Variants in ZNF729 observed in about 807,000 individuals in gnomAD.
The protein encoded by ZNF729 is zinc finger protein 729.
ZNF729 carries 15 observed loss-of-function variants against 12.2 expected under a neutral mutation model. The ratio of observed to expected loss-of-function variants is 1.23; its 90% CI spans 0.82 to 1.89. ZNF729 has a LOEUF of 1.89. Ranked by LOEUF, ZNF729 falls within the 40% of genes most tolerant of loss-of-function variation. The pLI, the probability that ZNF729 is intolerant of heterozygous loss-of-function variation, is 0.00. For synonymous variants in ZNF729, 492 were observed against 476.3 expected (o/e 1.03, Z -0.43); for missense variants, 1,540 against 1,456.7 (o/e 1.06, Z -0.93).
rs528425058 is a variant in ZNF729 at position 22,305,413 on chromosome 19, A to G, written c.253+630A>G. Among the ~76,000 whole-genome samples the G allele has an allele frequency of 3.9e-5, 6 of 152,090 alleles. No homozygotes were observed. The South Asian group carries it at 1.0e-3, about 26-fold the overall frequency. On this transcript the variant is annotated intron_variant, in intron 3 of 3. Transcript: ENST00000601693. ...CATGAATTTTCTATTTTTTATTATT[A>G]TTGAAAATGGGGTCTCAGTGTCTGC...
At chr19:22,307,599 C>T (rs190008365) in intron 3 of ZNF729, among the ~76,000 whole-genome samples, 128 of 150,964 alleles carry the variant, frequency 8.5e-4, no homozygotes, top group Non-Finnish European at 1.5e-3. Context: ...CAAAAGTAGC[C>T]GGGCATGGTG....
chr19:22,291,258 T>C (rs773264996), intron 1 of ZNF729, among the ~76,000 whole-genome samples: 12 of 152,284 alleles, frequency 7.9e-5, no homozygotes, highest in Admixed American at 5.2e-4. Context: ...ACACAGGCCA[T>C]CACACTGCCC....
At chr19:22,292,301 CT>C (rs1174266027) in intron 1 of ZNF729, among the ~76,000 whole-genome samples, 5 of 152,134 alleles carry the variant, frequency 3.3e-5, no homozygotes, top group African/African-American at 1.2e-4. Context: ...TTGGTTTTCT[CT>C]TTCTGCATTA....
intron 1 of ZNF729, among the ~76,000 whole-genome samples, chr19:22,295,099 G>A (rs908711896): frequency 2.0e-5 from 3 of 150,390 alleles, no homozygotes; most frequent in Non-Finnish European, 4.4e-5. Context: ...TTGTGTTTTT[G>A]ATTTGGCTTT....
Position 22,315,620 on chromosome 19 carries a change from AC to A in ZNF729, c.2204del (p.Thr735MetfsTer26). On this transcript the variant is annotated frameshift_variant, in exon 4 of 4. Transcript: ENST00000601693. LOFTEE classifies it low-confidence loss of function (END_TRUNC). ...ACTTACTGTACATAAGGTAATTCAT[AC>A]TGCAGAGAAACCCTGCAAATGTGAA... The part of the protein sequence containing the change: ...SKLTVHKVIH[T>X]AEKPCKCEEC... 6.2e-7 allele frequency: 1 copy of A among 1,609,120 alleles called. No homozygotes were observed. Among genetic ancestry groups the A allele is most frequent in the Non-Finnish European group, 8.5e-7 (1 of 1,179,154 alleles).
chr19:22,310,786 A>C (rs1238481117), intron 3 of ZNF729, among the ~76,000 whole-genome samples: 1 of 152,130 alleles, frequency 6.6e-6, no homozygotes, highest in Non-Finnish European at 1.5e-5. Context: ...AATTCTTTGA[A>C]TGTCTGGTAG....
chr19:22,298,617 G>T (rs1968263520), intron 1 of ZNF729, among the ~76,000 whole-genome samples: 1 of 152,152 alleles, frequency 6.6e-6, no homozygotes, highest in African/African-American at 2.4e-5. Context: ...GGGCTCAGGT[G>T]ATTCTCCTGC....
rs1162926015 is a variant in ZNF729 at position 22,315,601 on chromosome 19, T to C, written c.2184T>C (p.Thr728=). Residue 728 remains threonine (T), a synonymous_variant, in exon 4 of 4, where the codon ACT becomes ACC. Coordinates refer to ENST00000601693, the MANE Select transcript of ZNF729 (RefSeq NM_001242680.2). ...CTTTTAAGTGGTCATCAAAACTTAC[T>C]GTACATAAGGTAATTCATACTGCAG... is the stretch of plus-strand genomic sequence containing the variant. ...GKAFKWSSKL[T]VHKVIHTAEK... 2 of 1,608,280 alleles carry C rather than the reference T, an allele frequency of 1.2e-6. No individual in the cohort carries two copies. Among genetic ancestry groups the C allele is most frequent in the East Asian group, 2.2e-5 (1 of 44,758 alleles).
chr19:22,315,217 C>G lies in ZNF729; in HGVS notation c.1800C>G (p.Tyr600Ter). The change falls in exon 4 of 4, where the codon TAC becomes TAG. Residue 600 changes from tyrosine (Y) to a stop codon, truncating the protein, a stop_gained. Transcript: ENST00000601693. LOFTEE classifies it low-confidence loss of function (END_TRUNC). The part of the protein sequence containing the change: ...HKVIHTREKL[Y>*]KCEECGKAFN... Reference sequence around the variant, plus strand: ...TAATTCATACTAGGGAGAAATTGTACAAATGTGAAGAATGTGGCAAAGCTT... The same window carrying G: ...TAATTCATACTAGGGAGAAATTGTAGAAATGTGAAGAATGTGGCAAAGCTT... 6.2e-7 allele frequency: 1 copy of G among 1,612,000 alleles called. No individual in the cohort carries two copies. Among genetic ancestry groups the G allele is most frequent in the African/African-American group, 1.3e-5 (1 of 74,974 alleles).
At position 22,303,808 on chromosome 19, in the gene ZNF729, G is replaced by A. The variant is rs776922482; in HGVS notation, c.81G>A (p.Trp27Ter). ...DVTIEFSLEE[W>*]QCLDTVQQNL... Reference sequence around the variant, plus strand: ...CCATAGAATTCTCTCTGGAGGAGTGGCAATGCCTGGACACGGTTCAGCAGA... The same window carrying A: ...CCATAGAATTCTCTCTGGAGGAGTGACAATGCCTGGACACGGTTCAGCAGA... The change falls in exon 2 of 4, where the codon TGG (tryptophan) becomes TGA (stop). Residue 27 changes from tryptophan to a stop codon, truncating the protein, a stop_gained. Coordinates refer to ENST00000601693, the MANE Select transcript of ZNF729 (RefSeq NM_001242680.2). LOFTEE classifies it high-confidence loss of function. The A allele has an allele frequency of 1.9e-6, 3 of 1,575,732 alleles. No individual in the cohort carries two copies. Among genetic ancestry groups the A allele is most frequent in the Non-Finnish European group, 1.7e-6 (2 of 1,156,086 alleles).
intron 1 of ZNF729, among the ~76,000 whole-genome samples, chr19:22,288,477 C>A (rs1395492182): frequency 2.0e-5 from 3 of 152,036 alleles, no homozygotes; most frequent in Non-Finnish European, 4.4e-5. Context: ...TAAAATACCC[C>A]CCATGGCTAT....
At position 22,314,969 on chromosome 19, in the gene ZNF729, T is replaced by C. The variant is rs779458956; in HGVS notation, c.1552T>C (p.Cys518Arg). 15 of 1,611,796 alleles carry C rather than the reference T, an allele frequency of 9.3e-6. No individual in the cohort carries two copies. The highest frequency in any genetic ancestry group is 1.2e-5 in the Non-Finnish European group (14 of 1,179,666). Residue 518 changes from cysteine to arginine, a missense_variant, in exon 4 of 4, where the codon TGT becomes CGT. Coordinates refer to ENST00000601693, the MANE Select transcript of ZNF729 (RefSeq NM_001242680.2). ...TCATACTGGAAAGAAACCCTACAAA[T>C]GTGAAGAATGTGGGAAAGCTTTTAG... ...IIHTGKKPYK[C>R]EECGKAFSQS...
At position 22,286,492 on chromosome 19, in the gene ZNF729, T is replaced by G. The variant is rs781264772; in HGVS notation, c.-34T>G. The G allele has an allele frequency of 6.2e-7, 1 of 1,612,640 alleles. No individual in the cohort carries two copies. The highest frequency in any genetic ancestry group is 8.5e-7 in the Non-Finnish European group (1 of 1,179,842). On this transcript the variant is annotated 5_prime_UTR_variant, in exon 1 of 4. Coordinates refer to ENST00000601693, the MANE Select transcript of ZNF729 (RefSeq NM_001242680.2). Reference sequence around the variant, plus strand: ...TGTGTGTCCTCAGCCTCTGTGGCCCTGTAACCTGCGGCATTGGAAGATCCA... The same window carrying G: ...TGTGTGTCCTCAGCCTCTGTGGCCCGGTAACCTGCGGCATTGGAAGATCCA...
intron 1 of ZNF729, among the ~76,000 whole-genome samples, chr19:22,290,221 C>T (rs546794367): frequency 1.2e-4 from 18 of 152,194 alleles, no homozygotes; most frequent in African/African-American, 3.9e-4. Context: ...CCATGGAAGA[C>T]GCCTTTATCC....
intron 1 of ZNF729, among the ~76,000 whole-genome samples, chr19:22,288,289 C>T (rs1568569433): frequency 6.8e-6 from 1 of 147,980 alleles, no homozygotes; most frequent in Non-Finnish European, 1.5e-5. Context: ...CCTGACACTG[C>T]GTTGTAAAAA....
At chr19:22,307,814 T>G (rs1047003101) in intron 3 of ZNF729, among the ~76,000 whole-genome samples, 21 of 147,538 alleles carry the variant, frequency 1.4e-4, no homozygotes, top group East Asian at 3.9e-4. Context: ...TTTTTTTTTT[T>G]TTTTTTTTTT....
At chr19:22,303,680 T>G (rs1968344006) in intron 1 of ZNF729, 78 bp from the exon 2 acceptor site, 1 of 1,374,600 alleles carries the variant, frequency 7.3e-7, no homozygotes, top group African/African-American at 1.5e-5. Flanking sequence ...ATTCTCTCAT[T>G]TCACCTTGAG....
Position 22,314,164 on chromosome 19 carries a change from A to G in ZNF729, c.747A>G (p.Ser249=). The change falls in exon 4 of 4, where the codon TCA becomes TCG. Residue 249 remains serine, a synonymous_variant. Coordinates refer to ENST00000601693, the MANE Select transcript of ZNF729 (RefSeq NM_001242680.2). ...GTGGCAATGCCTTTAAATTTTCTTCAACGTTCACTAAACATAAGAGAATTC... is the reference window on the plus strand; with the variant it reads ...GTGGCAATGCCTTTAAATTTTCTTCGACGTTCACTAAACATAAGAGAATTC... ...KKCGNAFKFS[S]TFTKHKRIHT... 1 of 1,570,944 alleles carries G rather than the reference A, an allele frequency of 6.4e-7. No individual in the cohort carries two copies. The highest frequency in any genetic ancestry group is 8.6e-7 in the Non-Finnish European group (1 of 1,159,230).
intron 3 of ZNF729, among the ~76,000 whole-genome samples, chr19:22,311,066 T>C (rs1675791404): frequency 6.6e-6 from 1 of 152,188 alleles, no homozygotes; most frequent in Non-Finnish European, 1.5e-5. Context: ...ATTGAGGTTA[T>C]TTGGATTTTC....
Sources: gnomAD v4.1 joint callset for allele counts (sites outside exome capture counted in the v4.1 genomes callset) on GRCh38, gnomAD v4.1.1 for gene constraint, MANE v1.5 for transcripts, NCBI Gene and HGNC (gene_info 2026-07-23, HGNC 2026-07-21) for gene names.